DENND6A: variants seen among roughly 807,000 people sequenced by gnomAD.
DENND6A encodes the protein protein DENND6A.
DENND6A carries 43 observed loss-of-function variants against 95.5 expected under a neutral mutation model. The ratio of observed to expected loss-of-function variants is 0.45; its 90% CI spans 0.35 to 0.58. DENND6A has a LOEUF of 0.58. Among genes scored for constraint, DENND6A ranks in the 20% least tolerant of loss-of-function variants. The pLI is 0.00. For missense variants in DENND6A, 574 were observed against 736.0 expected (o/e 0.78, Z 2.55); for synonymous variants, 257 against 260.4 (o/e 0.99, Z 0.13).
At position 57,627,597 on chromosome 3, in the gene DENND6A, TG is replaced by T. The variant is rs1269944987; in HGVS notation, c.*616del. On this transcript the variant is annotated 3_prime_UTR_variant, in exon 20 of 20. Transcript: ENST00000311128. ...TATGACAACTGAAAAAAACCCATCA[TG>T]TCTATTAATAAACACAATGGGTAGC... The T allele has an allele frequency of 6.6e-6, 1 of 152,344 alleles. No individual in the cohort carries two copies. The highest frequency in any genetic ancestry group is 2.4e-5 in the African/African-American group (1 of 41,446). The allele number at this position is 152,344 out of a possible 1,614,324, so 9.4% of individuals were successfully genotyped here. A position where few individuals can be genotyped will look rare whatever the true frequency, so the allele number is the denominator to read the frequency against.
chr3:57,651,255 A>G (rs989181069), intron 9 of DENND6A, among the ~76,000 whole-genome samples: 2 of 152,226 alleles, frequency 1.3e-5, no homozygotes, highest in Non-Finnish European at 2.9e-5. Context: ...TTGTAAACTG[A>G]AAATATCAAA....
intron 11 of DENND6A, among the ~76,000 whole-genome samples, chr3:57,645,075 T>C (rs2071049764): frequency 6.6e-6 from 1 of 152,094 alleles, no homozygotes; most frequent in South Asian, 2.1e-4. Flanking sequence ...AGATTATTTT[T>C]TCTTTTTACA....
chr3:57,648,784 C>T (rs2153414177), intron 9 of DENND6A, among the ~76,000 whole-genome samples: 1 of 152,186 alleles, frequency 6.6e-6, no homozygotes, highest in Non-Finnish European at 1.5e-5. Context: ...CCCTATTTAA[C>T]AAATGGTGCT....
intron 1 of DENND6A, among the ~76,000 whole-genome samples, chr3:57,677,367 A>G (rs1311614293): frequency 1.3e-5 from 2 of 150,280 alleles, no homozygotes; most frequent in African/African-American, 2.5e-5. Context: ...TTGCAATAAC[A>G]TGAATCAATA....
intron 1 of DENND6A, among the ~76,000 whole-genome samples, chr3:57,674,034 T>C (rs1029639101): frequency 6.6e-6 from 1 of 152,020 alleles, no homozygotes; most frequent in Non-Finnish European, 1.5e-5. Context: ...CCTCCCAAAG[T>C]GCTGGGATTT....
intron 9 of DENND6A, among the ~76,000 whole-genome samples, chr3:57,657,317 G>A (rs1342815723): frequency 2.0e-5 from 3 of 151,938 alleles, no homozygotes; most frequent in Admixed American, 6.6e-5. Flanking sequence ...CATTTTTCAC[G>A]TCATCTATTT....
Position 57,692,934 on chromosome 3 carries a change from C to T in DENND6A, c.85G>A (p.Ala29Thr). 2 of 1,556,726 alleles carry T rather than the reference C, an allele frequency of 1.3e-6. No homozygotes were observed. The highest frequency in any genetic ancestry group is 2.5e-5 in the East Asian group (1 of 40,434). ...EAVAGAEGREAPALVAAGGAP... is the reference protein window; with the variant it reads ...EAVAGAEGRETPALVAAGGAP... ...CCTCCCGCCGCCACAAGGGCCGGCG[C>T]CTCGCGGCCCTCGGCCCCTGCCACC... is the stretch of plus-strand genomic sequence containing the variant. Residue 29 changes from alanine (A) to threonine (T), a missense_variant, in exon 1 of 20, where the codon GCG becomes ACG. Physicochemically the swap from Ala to Thr is moderately conservative, Grantham distance 58. Coordinates refer to ENST00000311128, the MANE Select transcript of DENND6A (RefSeq NM_152678.3).
At chr3:57,647,294 AAAC>A (rs1307917152) in intron 9 of DENND6A, among the ~76,000 whole-genome samples, 3 of 152,186 alleles carry the variant, frequency 2.0e-5, no homozygotes, top group Non-Finnish European at 4.4e-5. Flanking sequence ...CAAAAGAAAC[AAAC>A]AACAACAAAA....
chr3:57,652,419 A>G (rs1313106025), intron 9 of DENND6A, among the ~76,000 whole-genome samples: 4 of 152,158 alleles, frequency 2.6e-5, no homozygotes, highest in Non-Finnish European at 5.9e-5. Context: ...CCAGACTCCT[A>G]TGTCCAACTG....
At chr3:57,673,423 G>T (rs1051942585) in intron 1 of DENND6A, among the ~76,000 whole-genome samples, 2 of 151,994 alleles carry the variant, frequency 1.3e-5, no homozygotes, top group Non-Finnish European at 2.9e-5. Context: ...AGGCTGGGAA[G>T]AGTAGTAAGA....
intron 1 of DENND6A, among the ~76,000 whole-genome samples, chr3:57,690,183 AAAAAAAAC>A (rs957690765): frequency 6.6e-6 from 1 of 151,294 alleles, no homozygotes; most frequent in Non-Finnish European, 1.5e-5. Flanking sequence ...TGTCTCTACT[AAAAAAAAC>A]AAAAAAACAA....
At chr3:57,630,339 G>C in intron 18 of DENND6A, 82 bp downstream of exon 18, 1 of 1,251,730 alleles carries the variant, frequency 8.0e-7, no homozygotes, top group Non-Finnish European at 1.1e-6. Flanking sequence ...AGTGGATAAA[G>C]GGTACAATCT....
rs147802050 is a variant in DENND6A at position 57,646,101 on chromosome 3, G to C, written c.941+215C>G. Among the ~76,000 whole-genome samples, 291 of 152,252 alleles carry C rather than the reference G, an allele frequency of 1.9e-3. 1 individual carries two copies. Among genetic ancestry groups the C allele is most frequent in the African/African-American group, 6.5e-3 (271 of 41,546 alleles). On this transcript the variant is annotated intron_variant, in intron 10 of 19. Coordinates refer to ENST00000311128, the MANE Select transcript of DENND6A (RefSeq NM_152678.3). The stretch of plus-strand genomic sequence containing the variant: ...GTGCCTGCCACTCAGAACAACAAAG[G>C]CATGGTTCCAGCCCTCAGGGAGCCT...
intron 12 of DENND6A, among the ~76,000 whole-genome samples, chr3:57,640,867 T>C (rs978539639): frequency 1.3e-5 from 2 of 152,140 alleles, no homozygotes; most frequent in Admixed American, 6.6e-5. Flanking sequence ...AGTTGTCATC[T>C]AGGTTAACAA....
intron 5 of DENND6A, among the ~76,000 whole-genome samples, 147 bp downstream of exon 5, chr3:57,663,483 AAAAAAT>A (rs1307069480): frequency 5.1e-5 from 6 of 117,866 alleles, no homozygotes; most frequent in African/African-American, 4.5e-5. Context: ...AAAAAAAAAA[AAAAAAT>A]ATATATATAC....
At chr3:57,692,717 T>A in intron 1 of DENND6A, 65 bp downstream of exon 1, 1 of 1,353,446 alleles carries the variant, frequency 7.4e-7, no homozygotes, top group Non-Finnish European at 9.5e-7. Context: ...CGCGGGCCGC[T>A]GGCTTTGCTG....
At chr3:57,684,322 G>T (rs2077192668) in intron 1 of DENND6A, among the ~76,000 whole-genome samples, 1 of 152,050 alleles carries the variant, frequency 6.6e-6, no homozygotes, top group Non-Finnish European at 1.5e-5. Flanking sequence ...AATTAGCTGG[G>T]TGCGGTGGCA....
chr3:57,679,244 G>C (rs1452283592), intron 1 of DENND6A, among the ~76,000 whole-genome samples: 1 of 152,234 alleles, frequency 6.6e-6, no homozygotes, highest in Non-Finnish European at 1.5e-5. Flanking sequence ...GTTACCATAT[G>C]CACACATCCT....
At position 57,637,641 on chromosome 3, in the gene DENND6A, T is replaced by C. The variant is rs770055158; in HGVS notation, c.1133-2872A>G. ...CAGCATTTGCAGTGGGCCTGGGTGT[T>C]TTTTAACTCAACAAGCAGAAAAATA... is the stretch of plus-strand genomic sequence containing the variant. On this transcript the variant is annotated intron_variant, in intron 12 of 19. Coordinates refer to ENST00000311128, the MANE Select transcript of DENND6A (RefSeq NM_152678.3). Among the ~76,000 whole-genome samples the C allele has an allele frequency of 5.1e-4, 77 of 151,928 alleles. 1 individual carries two copies. The highest frequency in any genetic ancestry group is 3.4e-3 in the Middle Eastern group (1 of 294).
Sources: gnomAD v4.1 joint callset for allele counts (sites outside exome capture counted in the v4.1 genomes callset) on GRCh38, gnomAD v4.1.1 for gene constraint, MANE v1.5 for transcripts, NCBI Gene and HGNC (gene_info 2026-07-23, HGNC 2026-07-21) for gene names.